The following PPP6C variants were observed in gnomAD, a reference collection of about 807,000 sequenced individuals.
PPP6C encodes the protein protein phosphatase 6 catalytic subunit.
In PPP6C, 11 loss-of-function variants were observed where a neutral mutation model predicts 39.8. The ratio of observed to expected loss-of-function variants is 0.28; its 90% CI spans 0.17 to 0.46. The LOEUF (loss-of-function observed/expected upper bound fraction) is 0.46. Ranked by LOEUF, PPP6C falls within the 20% of genes least tolerant of loss-of-function variation. The pLI, the probability that PPP6C is intolerant of heterozygous loss-of-function variation, is 1.00. For synonymous variants in PPP6C, 129 were observed against 130.3 expected (o/e 0.99, Z 0.07); for missense variants, 211 against 373.9 (o/e 0.56, Z 3.59).
chr9:125,165,029 G>A (rs910780656), intron 2 of PPP6C, among the ~76,000 whole-genome samples: 15 of 151,762 alleles, frequency 9.9e-5, no homozygotes, highest in Non-Finnish European at 1.9e-4. Context: ...GAGCCACCGC[G>A]CCCGGCTGGG....
intron 1 of PPP6C, among the ~76,000 whole-genome samples, chr9:125,177,616 G>A (rs934920434): frequency 2.0e-5 from 3 of 151,884 alleles, no homozygotes; most frequent in Admixed American, 6.6e-5. Flanking sequence ...CAGCCTCCCC[G>A]CATCAACATC....
intron 6 of PPP6C, chr9:125,150,600 C>A (rs180743890): frequency 2.0e-4 from 166 of 832,308 alleles, no homozygotes; most frequent in Non-Finnish European, 6.4e-5. Flanking sequence ...GCAGTCTCTG[C>A]AGCAGCAGTG....
At chr9:125,177,910 CT>C (rs750189753) in intron 1 of PPP6C, among the ~76,000 whole-genome samples, 41 of 152,154 alleles carry the variant, frequency 2.7e-4, no homozygotes, top group South Asian at 1.2e-3. Context: ...TATATGTAGC[CT>C]TTTCAGGTTG....
intron 1 of PPP6C, chr9:125,188,999 C>T (rs930525821): frequency 2.2e-6 from 3 of 1,346,512 alleles, no homozygotes; most frequent in East Asian, 5.1e-5. Flanking sequence ...TGAGAACCAA[C>T]TACTTTATCC....
intron 1 of PPP6C, among the ~76,000 whole-genome samples, chr9:125,172,616 A>G (rs937779395): frequency 7.9e-5 from 12 of 152,124 alleles, no homozygotes; most frequent in African/African-American, 2.9e-4. Context: ...ATAAAAGGGC[A>G]ACATGAGGAA....
intron 1 of PPP6C, among the ~76,000 whole-genome samples, chr9:125,172,718 CAA>C (rs1491281446): frequency 3.1e-3 from 209 of 67,398 alleles, no homozygotes; most frequent in African/African-American, 9.5e-3. Context: ...TGAATACACA[CAA>C]ACACACACAC....
In PPP6C at chr9:125,188,976, T is replaced by C. The variant is rs568618328; in HGVS notation, c.75+668A>G. On this transcript the variant is annotated intron_variant, in intron 1 of 6. Transcript: ENST00000373547. ...AGTTAAGAAGGGGTTAAGGAGAAAG[T>C]ATTTGTATTTATTGAGAACCAACTA... The C allele has an allele frequency of 5.9e-6, 9 of 1,514,546 alleles. No individual in the cohort carries two copies. In the African/African-American group the frequency reaches 9.7e-5, roughly 16 times the overall value. 93.8% of individuals were successfully genotyped at this position (1,514,546 alleles called of 1,614,324 possible).
At chr9:125,150,421 G>GGTGTGTGTGTGTGTGT (rs113973939) in intron 6 of PPP6C, among the ~76,000 whole-genome samples, 245 of 149,954 alleles carry the variant, frequency 1.6e-3, no homozygotes, top group Admixed American at 3.3e-3. Context: ...CAATATAAGG[G>GGTGTGTGTGTGTGTGT]GTGTGTGTGT....
chr9:125,171,175 T>C lies in PPP6C; in HGVS notation c.81A>G (p.Leu27=), dbSNP rs1172166024. 18 of 1,573,292 alleles carry C rather than the reference T, an allele frequency of 1.1e-5. No individual in the cohort carries two copies. Among genetic ancestry groups the C allele is most frequent in the African/African-American group, 2.7e-5 (2 of 73,306 alleles). The change falls in exon 2 of 7, where the codon CTA becomes CTG. Residue 27 remains leucine, a synonymous_variant. Transcript: ENST00000373547. ...KYLPENDLKR[L]CDYVCDLLLE... The stretch of plus-strand genomic sequence containing the variant: ...AGAGGAGGTCACAAACGTAGTCACA[T>C]AGCCGCTATAAAAAGAGAAAATAAA...
chr9:125,172,785 C>T (rs1451499482), intron 1 of PPP6C, among the ~76,000 whole-genome samples: 3 of 150,848 alleles, frequency 2.0e-5, no homozygotes, highest in Non-Finnish European at 2.9e-5. Context: ...ACAAGTAAAA[C>T]TGAAGAAATC....
intron 3 of PPP6C, among the ~76,000 whole-genome samples, chr9:125,160,562 C>T (rs1256128331): frequency 6.6e-6 from 1 of 152,168 alleles, no homozygotes; most frequent in East Asian, 1.9e-4. Flanking sequence ...TCTTTGCCTG[C>T]CGCCATCCAC....
chr9:125,158,294 A>C lies in PPP6C; in HGVS notation c.326T>G (p.Leu109Arg). Residue 109 changes from leucine to arginine, a missense_variant, in exon 4 of 7, where the codon CTT becomes CGT. Physicochemically the swap from Leu to Arg is moderately radical, Grantham distance 102. Around this residue, in one of 2 missense-constraint regions of PPP6C, gnomAD observed 168 missense variants for 342.6 expected, o/e 0.49. Transcript: ENST00000373547. ...LKAKWPDRIT[L>R]LRGNHESRQI... ...TCTACTCTCATGATTTCCTCGCAAA[A>C]GTGTAATACGATCAGGCCATTTAGC... 6.2e-7 allele frequency: 1 copy of C among 1,611,864 alleles called. No homozygotes were observed. Among genetic ancestry groups the C allele is most frequent in the Non-Finnish European group, 8.5e-7 (1 of 1,178,000 alleles).
At chr9:125,185,146 G>A (rs1032725233) in intron 1 of PPP6C, among the ~76,000 whole-genome samples, 1 of 151,718 alleles carries the variant, frequency 6.6e-6, no homozygotes, top group Non-Finnish European at 1.5e-5. Flanking sequence ...TATGGAATCT[G>A]TATCTTTTAT....
chr9:125,164,193 C>CTACT (rs1231367947), intron 2 of PPP6C, among the ~76,000 whole-genome samples: 2 of 143,980 alleles, frequency 1.4e-5, no homozygotes, highest in Non-Finnish European at 3.0e-5. Flanking sequence ...TATCTACCAT[C>CTACT]TACTCTATGT....
In PPP6C at chr9:125,153,889, T is replaced by A; in HGVS notation, c.459+17A>T. 1 of 1,584,744 alleles carries A rather than the reference T, an allele frequency of 6.3e-7. No individual in the cohort carries two copies. On this transcript the variant is annotated intron_variant, in intron 5 of 6. Transcript: ENST00000373547. ...ATTGGCAGGAACGTACATGAGACTT[T>A]AAAAATAGAAACTTACAGCTGCTAC... is the stretch of plus-strand genomic sequence containing the variant.
chr9:125,154,494 G>A (rs556228169), intron 4 of PPP6C, among the ~76,000 whole-genome samples: 4 of 152,340 alleles, frequency 2.6e-5, no homozygotes, highest in Admixed American at 2.6e-4. Context: ...GCACATGACT[G>A]TATTTCCTAA....
At chr9:125,155,577 G>A (rs1313045384) in intron 4 of PPP6C, among the ~76,000 whole-genome samples, 2 of 152,040 alleles carry the variant, frequency 1.3e-5, no homozygotes, top group African/African-American at 2.4e-5. Context: ...ATCAATATAA[G>A]TCCTATAATA....
intron 1 of PPP6C, among the ~76,000 whole-genome samples, chr9:125,184,336 C>T (rs903673218): frequency 6.6e-6 from 1 of 151,648 alleles, no homozygotes; most frequent in Admixed American, 6.6e-5. Context: ...TGCAGTGAGC[C>T]GAGATCGCGC....
chr9:125,182,696 A>C (rs558837855), intron 1 of PPP6C, among the ~76,000 whole-genome samples: 1 of 150,358 alleles, frequency 6.7e-6, no homozygotes, highest in East Asian at 1.9e-4. Flanking sequence ...TATTCATTGC[A>C]GGGGACTGCT....
Sources: allele counts gnomAD v4.1 joint callset (sites outside exome capture counted in the v4.1 genomes callset), GRCh38; gene constraint gnomAD v4.1.1; regional missense constraint gnomAD v4.1.1; transcripts MANE v1.5; gene names NCBI Gene and HGNC (gene_info 2026-07-23, HGNC 2026-07-21).